ORM2: variants seen among roughly 807,000 people sequenced by gnomAD.
ORM2 encodes orosomucoid 2.
A neutral mutation model predicts 26.8 loss-of-function variants in ORM2; 19 were observed. That is an observed-to-expected ratio of 0.71 (90% CI 0.49 to 1.04). The LOEUF (loss-of-function observed/expected upper bound fraction) is 1.04. Among genes scored for constraint, ORM2 ranks in the 50% least tolerant of loss-of-function variants. ORM2 has a pLI of 0.00. For synonymous variants in ORM2, 94 were observed against 100.0 expected (o/e 0.94, Z 0.36); for missense variants, 259 against 244.9 (o/e 1.06, Z -0.39).
chr9:114,330,911 G>T (rs1829841162), intron 3 of ORM2, 49 bp downstream of exon 3: 1 of 1,517,312 alleles, frequency 6.6e-7, no homozygotes, highest in Middle Eastern at 1.7e-4. Context: ...AACAGGGCAG[G>T]CCAGCATAAG....
chr9:114,330,106 C>T (rs1395504023), intron 1 of ORM2, 88 bp downstream of exon 1: 5 of 1,610,214 alleles, frequency 3.1e-6, no homozygotes, highest in Admixed American at 1.7e-5. Flanking sequence ...TGTGGTCGCA[C>T]CCCCACTCCC....
chr9:114,329,881 C>A lies in ORM2; in HGVS notation c.-24C>A. 1 of 1,148,022 alleles carries A rather than the reference C, an allele frequency of 8.7e-7. No homozygotes were observed. The highest frequency in any genetic ancestry group is 1.2e-6 in the Non-Finnish European group (1 of 848,300). 71.1% of individuals were successfully genotyped at this position (1,148,022 alleles called of 1,614,324 possible). A position where few individuals can be genotyped will look rare whatever the true frequency, so the allele number is the denominator to read the frequency against. On this transcript the variant is annotated 5_prime_UTR_variant, in exon 1 of 6. Coordinates refer to ENST00000431067, the MANE Select transcript of ORM2 (RefSeq NM_000608.4). The stretch of plus-strand genomic sequence containing the variant: ...CCCTGCAGCCACCAGCACTGCCTGG[C>A]TCCACGTGCCTCCTGGTCTCAGTAT...
rs373494360 is a variant in ORM2, at chr9:114,330,509, G to C, written c.190G>C (p.Ala64Pro). The C allele has an allele frequency of 1.2e-6, 2 of 1,611,982 alleles. No individual in the cohort carries two copies. ...CAATAAGTCGGTTCAGGAGATCCAA[G>C]CAACCTTCTTTTACTTTACCCCCAA... Reference protein sequence around the residue: ...EYNKSVQEIQATFFYFTPNKT... With the variant: ...EYNKSVQEIQPTFFYFTPNKT... Residue 64 changes from alanine (A) to proline (P), a missense_variant, in exon 2 of 6, where the codon GCA becomes CCA. Ala to Pro is a conservative substitution (Grantham distance 27, BLOSUM62 -1). Coordinates refer to ENST00000431067, the MANE Select transcript of ORM2 (RefSeq NM_000608.4).
In ORM2 at chr9:114,332,060, C is replaced by G. The variant is rs539846271; in HGVS notation, c.540+131C>G. The G allele has an allele frequency of 8.1e-5, 53 of 653,958 alleles. 1 individual carries two copies. Among genetic ancestry groups the G allele is most frequent in the African/African-American group, 8.0e-4 (43 of 53,742 alleles). 40.5% of individuals were successfully genotyped at this position (653,958 alleles called of 1,614,324 possible). On this transcript the variant is annotated intron_variant, in intron 5 of 5. Transcript: ENST00000431067. ...AGATCTTCTGCTTTTAGGCACCTGC[C>G]TCACTGTAGGGACAGCTGAGCTCTA...
chr9:114,331,804 A>T, intron 4 of ORM2, 22 bp from the exon 5 acceptor site: 2 of 1,610,246 alleles, frequency 1.2e-6, no homozygotes, highest in South Asian at 2.2e-5. Flanking sequence ...GTCCCCAGTC[A>T]GTCTCCTTGC....
In ORM2 at chr9:114,331,659, G is replaced by A. The variant is rs12685968; in HGVS notation, c.421G>A (p.Gly141Arg). The A allele has an allele frequency of 1.2e-6, 2 of 1,613,746 alleles. No individual in the cohort carries two copies. The highest frequency in any genetic ancestry group is 1.7e-6 in the Non-Finnish European group (2 of 1,179,850). ...GSYLDDEKNWGLSFYADKPET... is the reference protein window; with the variant it reads ...GSYLDDEKNWRLSFYADKPET... ...CTACCTGGACGATGAGAAGAACTGG[G>A]GGCTGTCTTTCTATGGTAGGCATGC... Residue 141 changes from glycine to arginine, a missense_variant, in exon 4 of 6, where the codon GGG (glycine) becomes AGG (arginine). Gly to Arg is a moderately radical substitution (Grantham distance 125, BLOSUM62 -2). Around this residue, in one of 2 missense-constraint regions of ORM2, gnomAD observed 251 missense variants for 220.5 expected, o/e 1.14. Coordinates refer to ENST00000431067, the MANE Select transcript of ORM2 (RefSeq NM_000608.4).
At chr9:114,332,732 G>C (rs1269852191) in intron 5 of ORM2, among the ~76,000 whole-genome samples, 1 of 152,156 alleles carries the variant, frequency 6.6e-6, no homozygotes, top group Non-Finnish European at 1.5e-5. Flanking sequence ...GGGTCCCAAG[G>C]CCACCCTGCT....
In ORM2 at chr9:114,330,804, C is replaced by T. The variant is rs150123372; in HGVS notation, c.270C>T (p.Cys90=). Residue 90 remains cysteine, a synonymous_variant, in exon 3 of 6, where the codon TGC becomes TGT. Transcript: ENST00000431067. The stretch of plus-strand genomic sequence containing the variant: ...TGGTTGACTTTAGCCAGAACCAGTG[C>T]TTCTATAACTCCAGTTACCTGAATG... ...LREYQTRQNQ[C]FYNSSYLNVQ... is the part of the protein sequence containing the mutation. The T allele has an allele frequency of 6.8e-6, 11 of 1,613,786 alleles. No individual in the cohort carries two copies. Among genetic ancestry groups the T allele is most frequent in the East Asian group, 2.2e-5 (1 of 44,876 alleles).
chr9:114,330,813 C>T lies in ORM2; in HGVS notation c.279C>T (p.Asn93=). ...YQTRQNQCFY[N]SSYLNVQREN... ...TTAGCCAGAACCAGTGCTTCTATAACTCCAGTTACCTGAATGTCCAGCGGG... is the reference window on the plus strand; with the variant it reads ...TTAGCCAGAACCAGTGCTTCTATAATTCCAGTTACCTGAATGTCCAGCGGG... The change falls in exon 3 of 6, where the codon AAC becomes AAT. Residue 93 remains asparagine (N), a synonymous_variant. Coordinates refer to ENST00000431067, the MANE Select transcript of ORM2 (RefSeq NM_000608.4). 6.2e-7 allele frequency: 1 copy of T among 1,613,984 alleles called. No homozygotes were observed.
At chr9:114,331,013 C>T (rs1829842228) in intron 3 of ORM2, 151 bp downstream of exon 3, 3 of 636,706 alleles carry the variant, frequency 4.7e-6, no homozygotes, top group East Asian at 2.7e-5. Flanking sequence ...AGAAAAAATC[C>T]CTAAGAAGAC....
intron 3 of ORM2, 152 bp from the exon 4 acceptor site, chr9:114,331,415 C>G (rs1829849043): frequency 6.4e-6 from 4 of 624,746 alleles, no homozygotes; most frequent in Admixed American, 5.9e-5. Flanking sequence ...GCTGGGCACG[C>G]AGCAGGGGCT....
At chr9:114,330,605 A>T in intron 2 of ORM2, 29 bp downstream of exon 2, 1 of 1,608,832 alleles carries the variant, frequency 6.2e-7, no homozygotes, top group Non-Finnish European at 8.5e-7. Flanking sequence ...ATGCACCCCC[A>T]TCTCAGCTTC....
Position 114,331,598 on chromosome 9 carries a change from GT to G in ORM2, c.362del (p.Phe121SerfsTer8). 1 of 1,614,006 alleles carries G rather than the reference GT, an allele frequency of 6.2e-7. No individual in the cohort carries two copies. Among genetic ancestry groups the G allele is most frequent in the East Asian group, 2.2e-5 (1 of 44,874 alleles). On this transcript the variant is annotated frameshift_variant, in exon 4 of 6. Coordinates refer to ENST00000431067, the MANE Select transcript of ORM2 (RefSeq NM_000608.4). LOFTEE classifies it high-confidence loss of function. ...GGREHVAHLL[F>X]LRDTKTLMFG... Reference sequence around the variant, plus strand: ...GCCGAGAACATGTTGCTCACCTGCTGTTCCTTAGGGACACCAAGACCTTGAT... The same window carrying G: ...GCCGAGAACATGTTGCTCACCTGCTGTCCTTAGGGACACCAAGACCTTGAT...
In ORM2 at chr9:114,329,970, G is replaced by C; in HGVS notation, c.66G>C (p.Leu22Phe). 1 of 1,555,982 alleles carries C rather than the reference G, an allele frequency of 6.4e-7. No individual in the cohort carries two copies. Among genetic ancestry groups the C allele is most frequent in the Non-Finnish European group, 8.7e-7 (1 of 1,151,818 alleles). ...CTCTGCTGGAAGCCCAGATCCCATTGTGTGCCAACCTAGTACCGGTGCCCA... is the reference window on the plus strand; with the variant it reads ...CTCTGCTGGAAGCCCAGATCCCATTCTGTGCCAACCTAGTACCGGTGCCCA... ...LLPLLEAQIP[L>F]CANLVPVPIT... Residue 22 changes from leucine (L) to phenylalanine (F), a missense_variant, in exon 1 of 6, where the codon TTG (leucine) becomes TTC (phenylalanine). By Grantham distance (22) the Leu-to-Phe change is conservative. This residue lies in a region of ORM2 where 251 missense variants were observed against 220.5 expected (regional missense o/e 1.14). Coordinates refer to ENST00000431067, the MANE Select transcript of ORM2 (RefSeq NM_000608.4).
Position 114,330,820 on chromosome 9 carries a change from T to C in ORM2, c.286T>C (p.Tyr96His). 2 of 1,613,956 alleles carry C rather than the reference T, an allele frequency of 1.2e-6. No individual in the cohort carries two copies. Among genetic ancestry groups the C allele is most frequent in the Non-Finnish European group, 1.7e-6 (2 of 1,179,974 alleles). The change falls in exon 3 of 6, where the codon TAC becomes CAC. Residue 96 changes from tyrosine (Y) to histidine (H), a missense_variant. Tyr to His is a moderately conservative substitution (Grantham distance 83). Transcript: ENST00000431067. ...GAACCAGTGCTTCTATAACTCCAGT[T>C]ACCTGAATGTCCAGCGGGAGAATGG... ...RQNQCFYNSS[Y>H]LNVQRENGTV...
chr9:114,332,375 T>C (rs1829869351), intron 5 of ORM2, among the ~76,000 whole-genome samples: 1 of 152,144 alleles, frequency 6.6e-6, no homozygotes. Context: ...TCCCGATTTT[T>C]GCTACAAATG....
intron 3 of ORM2, 27 bp from the exon 4 acceptor site, chr9:114,331,540 C>A: frequency 6.3e-7 from 1 of 1,580,040 alleles, no homozygotes; most frequent in Non-Finnish European, 8.7e-7. Context: ...CCCATGTTCT[C>A]ACCCAGAGGC....
At position 114,333,160 on chromosome 9, in the gene ORM2, G is replaced by A. The variant is rs1298566048; in HGVS notation, c.*26G>A. ...CAGGACACAGCCTTGGATCAGGACAGAGACTTGGGGGCCATCCTGCCCCTC... is the reference window on the plus strand; with the variant it reads ...CAGGACACAGCCTTGGATCAGGACAAAGACTTGGGGGCCATCCTGCCCCTC... On this transcript the variant is annotated 3_prime_UTR_variant, in exon 6 of 6. Coordinates refer to ENST00000431067, the MANE Select transcript of ORM2 (RefSeq NM_000608.4). 2.6e-6 allele frequency: 4 copies of A among 1,518,664 alleles called. No homozygotes were observed. In the Admixed American group the frequency reaches 7.8e-5, roughly 30 times the overall value. The allele number at this position is 1,518,664 out of a possible 1,614,324, so 94.1% of individuals were successfully genotyped here.
Position 114,331,557 on chromosome 9 carries a change from T to C in ORM2, c.329-10T>C. The C allele has an allele frequency of 6.2e-7, 1 of 1,610,204 alleles. No individual in the cohort carries two copies. The highest frequency in any genetic ancestry group is 8.5e-7 in the Non-Finnish European group (1 of 1,177,104). On this transcript the variant is annotated splice_polypyrimidine_tract_variant and intron_variant, in intron 3 of 5. Transcript: ENST00000431067. ...CATGTTCTCACCCAGAGGCTCTTTT[T>C]CTCTTCCAGAGGGAGGCCGAGAACA... is the stretch of plus-strand genomic sequence containing the variant.
Sources: gnomAD v4.1 joint callset for allele counts (sites outside exome capture counted in the v4.1 genomes callset) on GRCh38, gnomAD v4.1.1 for gene constraint, gnomAD v4.1.1 regional missense constraint, MANE v1.5 for transcripts, NCBI Gene and HGNC (gene_info 2026-07-23, HGNC 2026-07-21) for gene names.